DLGAP2: variants seen among roughly 807,000 people sequenced by gnomAD.
DLGAP2 encodes the protein disks large-associated protein 2.
In DLGAP2, 26 loss-of-function variants were observed where a neutral mutation model predicts 100.3. The ratio of observed to expected loss-of-function variants is 0.26; its 90% CI spans 0.19 to 0.36. The LOEUF (loss-of-function observed/expected upper bound fraction) is 0.36, where lower values mean the gene tolerates loss of function less well. DLGAP2 is among the 10% of genes least tolerant of loss of function. The pLI is 1.00. For synonymous variants in DLGAP2, 886 were observed against 630.1 expected (o/e 1.41, Z -6.08); for missense variants, 1,858 against 1,453.2 (o/e 1.28, Z -4.53).
intron 2 of DLGAP2, among the ~76,000 whole-genome samples, chr8:999,085 TAA>T (rs895476107): frequency 1.3e-5 from 2 of 152,170 alleles, no homozygotes; most frequent in Non-Finnish European, 2.9e-5. Flanking sequence ...ATCATGTTCT[TAA>T]AAATATGTAT....
In DLGAP2 at chr8:1,185,919, A is replaced by C. The variant is rs193285080; in HGVS notation, c.74-72932A>C. Among the ~76,000 whole-genome samples the C allele has an allele frequency of 2.8e-4, 42 of 152,174 alleles. No individual in the cohort carries two copies. The East Asian group carries it at 3.7e-3, about 13-fold the overall frequency. ...ACTGAGAAGCAGGTTCCCTTCTGCC[A>C]AGGACTTCTCGCCTCGGAGTTCCAT... On this transcript the variant is annotated intron_variant, in intron 2 of 14. Transcript: ENST00000637795.
chr8:1,067,604 CGTGTGTGT>C (rs3220190), intron 2 of DLGAP2, among the ~76,000 whole-genome samples: 3,949 of 140,290 alleles, frequency 0.028, 147 homozygotes, highest in East Asian at 0.12. Flanking sequence ...GGTTGAGTGA[CGTGTGTGT>C]GTGTGTGTGT....
intron 3 of DLGAP2, among the ~76,000 whole-genome samples, chr8:1,373,036 C>G (rs1433359276): frequency 6.6e-6 from 1 of 152,190 alleles, no homozygotes; most frequent in Admixed American, 6.5e-5. Flanking sequence ...TGAAGAACAC[C>G]CACGTTCCTC....
intron 2 of DLGAP2, among the ~76,000 whole-genome samples, chr8:1,112,918 G>A (rs555743253): frequency 3.4e-4 from 51 of 152,192 alleles, no homozygotes; most frequent in African/African-American, 9.9e-4. Context: ...AATCTTCTAC[G>A]TATGACTAGC....
chr8:1,168,102 G>C (rs1563227024), intron 2 of DLGAP2, among the ~76,000 whole-genome samples: 1 of 135,476 alleles, frequency 7.4e-6, no homozygotes, highest in South Asian at 2.4e-4. Flanking sequence ...TCATTGTTCA[G>C]TTCCCACCTA....
At chr8:1,358,449 GT>G (rs1238779077) in intron 3 of DLGAP2, among the ~76,000 whole-genome samples, 1 of 152,136 alleles carries the variant, frequency 6.6e-6, no homozygotes, top group Non-Finnish European at 1.5e-5. Context: ...GATTTTAGCT[GT>G]TTCTCCACAC....
chr8:1,161,393 C>T (rs1295374407), intron 2 of DLGAP2, among the ~76,000 whole-genome samples: 1 of 152,164 alleles, frequency 6.6e-6, no homozygotes, highest in Non-Finnish European at 1.5e-5. Flanking sequence ...TCTCAACTTC[C>T]TGATCAAAGG....
chr8:871,705 A>C (rs1797601209), intron 1 of DLGAP2, among the ~76,000 whole-genome samples: 1 of 151,614 alleles, frequency 6.6e-6, no homozygotes. Context: ...CAAAATATGA[A>C]AAAAAAAACC....
At chr8:978,981 A>G (rs1174725700) in intron 2 of DLGAP2, among the ~76,000 whole-genome samples, 1 of 152,158 alleles carries the variant, frequency 6.6e-6, no homozygotes, top group Admixed American at 6.6e-5. Flanking sequence ...AAGATTGGTG[A>G]GAGACCCTGT....
chr8:1,117,678 G>A (rs1431668144), intron 2 of DLGAP2, among the ~76,000 whole-genome samples: 4 of 152,204 alleles, frequency 2.6e-5, no homozygotes, highest in African/African-American at 9.7e-5. Flanking sequence ...GGTTGCCGGA[G>A]TGAGGGGAGG....
At chr8:1,604,100 G>A (rs1346768112) in intron 6 of DLGAP2, among the ~76,000 whole-genome samples, 1 of 152,116 alleles carries the variant, frequency 6.6e-6, no homozygotes, top group Non-Finnish European at 1.5e-5. Flanking sequence ...CAGGCACAAA[G>A]ATGAATGACC....
chr8:1,409,730 G>T (rs563758750), intron 3 of DLGAP2, among the ~76,000 whole-genome samples: 1 of 152,120 alleles, frequency 6.6e-6, no homozygotes, highest in Non-Finnish European at 1.5e-5. Context: ...AGTCCATGAG[G>T]GCTCAAATAG....
chr8:1,099,360 C>G (rs1220494868), intron 2 of DLGAP2, among the ~76,000 whole-genome samples: 2 of 152,310 alleles, frequency 1.3e-5, no homozygotes, highest in Non-Finnish European at 2.9e-5. Flanking sequence ...TGCATAGGAG[C>G]CTTTGATCAT....
At chr8:1,660,477 G>A (rs145906639) in intron 8 of DLGAP2, among the ~76,000 whole-genome samples, 215 of 152,278 alleles carry the variant, frequency 1.4e-3, no homozygotes, top group Middle Eastern at 0.014. Flanking sequence ...TATTTTAAGT[G>A]CCTGTCCCTG....
At chr8:1,199,073 T>G (rs567497415) in intron 2 of DLGAP2, among the ~76,000 whole-genome samples, 13 of 152,352 alleles carry the variant, frequency 8.5e-5, no homozygotes, top group African/African-American at 2.9e-4. Context: ...CTGCTCAGTT[T>G]AGAAAGGATC....
At chr8:1,132,680 A>T (rs770621492) in intron 2 of DLGAP2, among the ~76,000 whole-genome samples, 1 of 152,256 alleles carries the variant, frequency 6.6e-6, no homozygotes, top group Non-Finnish European at 1.5e-5. Context: ...GAGACCAGGC[A>T]GCTGCCGCTC....
At chr8:1,196,582 G>C (rs1026792670) in intron 2 of DLGAP2, among the ~76,000 whole-genome samples, 1 of 152,216 alleles carries the variant, frequency 6.6e-6, no homozygotes, top group Non-Finnish European at 1.5e-5. Flanking sequence ...AAAAGTGGCT[G>C]TCATCACCAA....
At chr8:916,209 C>A (rs573460716) in intron 2 of DLGAP2, among the ~76,000 whole-genome samples, 1 of 152,232 alleles carries the variant, frequency 6.6e-6, no homozygotes, top group Non-Finnish European at 1.5e-5. Flanking sequence ...ACCTTAAAGT[C>A]TTTCCAGTGT....
At chr8:1,152,874 A>G (rs554535564) in intron 2 of DLGAP2, among the ~76,000 whole-genome samples, 3 of 152,180 alleles carry the variant, frequency 2.0e-5, no homozygotes, top group Non-Finnish European at 2.9e-5. Flanking sequence ...TATCTTGCAC[A>G]CCATTTGCTT....
Sources: allele counts gnomAD v4.1 joint callset (sites outside exome capture counted in the v4.1 genomes callset), GRCh38; gene constraint gnomAD v4.1.1; transcripts MANE v1.5; gene names NCBI Gene and HGNC (gene_info 2026-07-23, HGNC 2026-07-21).